PLCH2: variants seen among roughly 807,000 people sequenced by gnomAD.
The protein encoded by PLCH2 is 1-phosphatidylinositol 4,5-bisphosphate phosphodiesterase eta-2.
In PLCH2, 98 loss-of-function variants were observed where a neutral mutation model predicts 134.7. The observed-to-expected ratio is 0.73, with a 90% CI of 0.62 to 0.86. The LOEUF is 0.86. Ranked by LOEUF, PLCH2 falls within the 40% of genes least tolerant of loss-of-function variation. PLCH2 has a pLI of 0.00. For synonymous variants in PLCH2, 974 were observed against 827.5 expected (o/e 1.18, Z -3.04); for missense variants, 1,994 against 1,986.6 (o/e 1.00, Z -0.07).
At chr1:2,460,983 T>C (rs994095467) in intron 2 of PLCH2, among the ~76,000 whole-genome samples, 4 of 151,854 alleles carry the variant, frequency 2.6e-5, no homozygotes, top group Non-Finnish European at 5.9e-5. Flanking sequence ...GGCTCAGGAG[T>C]GTGCCCAGTG....
chr1:2,477,911 G>A (rs970485862), intron 1 of PLCH2, among the ~76,000 whole-genome samples: 5 of 152,210 alleles, frequency 3.3e-5, no homozygotes, highest in Admixed American at 6.5e-5. Flanking sequence ...GCTCCCAGGA[G>A]CCACCTGTGG....
At chr1:2,489,495 A>C in intron 9 of PLCH2, 117 bp downstream of exon 9, 2 of 1,102,698 alleles carry the variant, frequency 1.8e-6, no homozygotes, top group Middle Eastern at 5.4e-4. Flanking sequence ...TAGGGGGCTG[A>C]GGGCTGGCCA....
At chr1:2,420,176 C>T in the PLCH2 span, among the ~76,000 whole-genome samples, 1 of 152,096 alleles carries the variant, frequency 6.6e-6, no homozygotes, top group Non-Finnish European at 1.5e-5. Context: ...GCCCCTACCT[C>T]ACATCCCTCT....
chr1:2,504,827 G>A lies in PLCH2; in HGVS notation c.3865G>A (p.Val1289Met). The A allele has an allele frequency of 6.2e-7, 1 of 1,609,440 alleles. No individual in the cohort carries two copies. Among genetic ancestry groups the A allele is most frequent in the Non-Finnish European group, 8.5e-7 (1 of 1,178,566 alleles). ...GGGCCTCCCGGGAGGGACACGGCGG[G>A]TGTCGGGGCCAGGGGTGAGACGGGA... ...SLGLPGGTRR[V>M]SGPGVRRDTL... The change falls in exon 22 of 22, where the codon GTG (valine) becomes ATG (methionine). Residue 1289 changes from valine (V) to methionine (M), a missense_variant. Coordinates refer to ENST00000378486, the MANE Select transcript of PLCH2 (RefSeq NM_014638.4).
At chr1:2,460,967 C>T (rs545638409) in intron 2 of PLCH2, among the ~76,000 whole-genome samples, 23 of 152,276 alleles carry the variant, frequency 1.5e-4, no homozygotes, top group Non-Finnish European at 2.6e-4. Flanking sequence ...AGCCTGGTGG[C>T]GTGGGGGCTC....
At position 2,479,939 on chromosome 1, in the gene PLCH2, C is replaced by G; in HGVS notation, c.477C>G (p.Asp159Glu). ...GCTACCTCATGGCCGGCATCAGCGA[C>G]GAGGACAGCCTGGCTCGCCGCCAGC... ...GLRYLMAGIS[D>E]EDSLARRQRT... The change falls in exon 3 of 22, where the codon GAC becomes GAG. Residue 159 changes from aspartate to glutamate, a missense_variant. By Grantham distance (45) the Asp-to-Glu change is conservative (BLOSUM62 2). Around this residue, in one of 2 missense-constraint regions of PLCH2, gnomAD observed 1,094 missense variants for 1,234.3 expected, o/e 0.89. Transcript: ENST00000378486. 1 of 1,609,074 alleles carries G rather than the reference C, an allele frequency of 6.2e-7. No individual in the cohort carries two copies.
chr1:2,476,567 C>G lies in PLCH2; in HGVS notation c.-22C>G. ...GTGGGCCTCTGTGGCCTCCGTGAAG[C>G]AGGCCCGGCTGTCGTCAGGCCATGT... On this transcript the variant is annotated 5_prime_UTR_variant, in exon 1 of 22. Coordinates refer to ENST00000378486, the MANE Select transcript of PLCH2 (RefSeq NM_014638.4). 1.3e-6 allele frequency: 2 copies of G among 1,483,932 alleles called. No individual in the cohort carries two copies. Among genetic ancestry groups the G allele is most frequent in the Non-Finnish European group, 1.8e-6 (2 of 1,123,250 alleles). The allele number at this position is 1,483,932 out of a possible 1,614,324, so 91.9% of individuals were successfully genotyped here.
At chr1:2,497,106 C>T (rs941790726) in intron 15 of PLCH2, 96 bp downstream of exon 15, 26 of 1,241,776 alleles carry the variant, frequency 2.1e-5, no homozygotes, top group Non-Finnish European at 2.8e-5. Flanking sequence ...GCTGGGGCCT[C>T]GGTTCTGTCC....
chr1:2,471,546 C>A (rs1183985434), upstream of PLCH2, among the ~76,000 whole-genome samples: 6 of 152,228 alleles, frequency 3.9e-5, no homozygotes, highest in African/African-American at 1.4e-4. Context: ...GGCCGGATGA[C>A]AGAAGAAAGG....
At chr1:2,434,151 C>T (rs1639205943) in intron 2 of PLCH2, among the ~76,000 whole-genome samples, 1 of 152,268 alleles carries the variant, frequency 6.6e-6, no homozygotes, top group Non-Finnish European at 1.5e-5. Flanking sequence ...CTTTGAGGCT[C>T]CCACCTTCAG....
rs1174840197 is a variant in PLCH2 at position 2,502,279 on chromosome 1, C to T, written c.2829C>T (p.Gly943=). The change falls in exon 21 of 22, where the codon GGC becomes GGT. Residue 943 remains glycine, a synonymous_variant. Transcript: ENST00000378486. ...AGAGCCAGAAGCCGGGCCGCAGGGG[C>T]TTCCCGGAGCTGGTCCTGGGTACAC... ...PTKSQKPGRR[G]FPELVLGTRD... is the part of the protein sequence containing the mutation. The T allele has an allele frequency of 1.3e-6, 2 of 1,538,040 alleles. No individual in the cohort carries two copies. The highest frequency in any genetic ancestry group is 1.2e-5 in the South Asian group (1 of 83,104).
Position 2,499,677 on chromosome 1 carries a change from C to T in PLCH2, c.2618C>T (p.Ala873Val), listed in dbSNP as rs758685368. The T allele has an allele frequency of 4.4e-6, 7 of 1,600,524 alleles. No homozygotes were observed. Among genetic ancestry groups the T allele is most frequent in the African/African-American group, 1.3e-5 (1 of 74,610 alleles). The change falls in exon 20 of 22, where the codon GCC (alanine) becomes GTC (valine). Residue 873 changes from alanine (A) to valine (V), a missense_variant. Ala to Val is a moderately conservative substitution (Grantham distance 64). Transcript: ENST00000378486. ...GTGTACCTAGAAGGGATGGAAGAGG[C>T]CTCCATCTTCGTGCATGTGGCTGTC... ...RHVYLEGMEE[A>V]SIFVHVAVSD...
the PLCH2 span, among the ~76,000 whole-genome samples, chr1:2,417,443 G>A: frequency 2.0e-5 from 3 of 152,174 alleles, no homozygotes; most frequent in Admixed American, 6.5e-5. Context: ...CTGTGAGGCC[G>A]GAGGGAGGGG....
intron 1 of PLCH2, among the ~76,000 whole-genome samples, chr1:2,427,890 T>C (rs1638877729): frequency 6.6e-6 from 1 of 151,688 alleles, no homozygotes; most frequent in African/African-American, 2.4e-5. Flanking sequence ...TCCCTGTGGG[T>C]GAGAGCAGTG....
rs182643072 is a variant in PLCH2 at position 2,489,228 on chromosome 1, C to T, written c.1257C>T (p.Ile419=). ...ACAGGTACCCAGTGATCCTGTCCAT[C>T]GAAAACCACTGCAGTGTCATCCAGC... ...IKNEYPVILS[I]ENHCSVIQQK... Residue 419 remains isoleucine (I), a synonymous_variant, in exon 9 of 22, where the codon ATC becomes ATT. Coordinates refer to ENST00000378486, the MANE Select transcript of PLCH2 (RefSeq NM_014638.4). 1,505 of 1,613,820 alleles carry T rather than the reference C, an allele frequency of 9.3e-4. 3 individuals carry two copies. Among genetic ancestry groups the T allele is most frequent in the African/African-American group, 3.8e-3 (288 of 75,040 alleles).
upstream of PLCH2, among the ~76,000 whole-genome samples, chr1:2,475,273 G>GCCACCTCCCACGCCTGACCTTGGCCCC (rs1641553018): frequency 6.6e-6 from 1 of 152,236 alleles, no homozygotes; most frequent in Non-Finnish European, 1.5e-5. Flanking sequence ...CCCCTGGTAT[G>GCCACCTCCCACGCCTGACCTTGGCCCC]GGGGGAGGCG....
In PLCH2 at chr1:2,498,411, G is replaced by A; in HGVS notation, c.2225-112G>A. On this transcript the variant is annotated intron_variant, in intron 16 of 21. Coordinates refer to ENST00000378486, the MANE Select transcript of PLCH2 (RefSeq NM_014638.4). The surrounding 1 kb of genome is among the most constrained non-coding windows in gnomAD (Gnocchi z 5.4). ...GCCTCCCTCCCTCCCCCTGGCACCG[G>A]CTCCAGTCTCCTATGTGGGGGCTGG... 4.0e-6 allele frequency: 5 copies of A among 1,253,458 alleles called. No homozygotes were observed. In the Admixed American group the frequency reaches 1.3e-4, roughly 32 times the overall value. The allele number at this position is 1,253,458 out of a possible 1,614,324, so 77.6% of individuals were successfully genotyped here. A position where few individuals can be genotyped will look rare whatever the true frequency, so the allele number is the denominator to read the frequency against.
Position 2,505,290 on chromosome 1 carries a change from C to A in PLCH2, c.*77C>A. ...CGTGTTGTTTGCTCAGGAAACAGGG[C>A]AGCCAGGCCCCCAAAACTGTGTCCC... On this transcript the variant is annotated 3_prime_UTR_variant, in exon 22 of 22. Coordinates refer to ENST00000378486, the MANE Select transcript of PLCH2 (RefSeq NM_014638.4). The A allele has an allele frequency of 1.7e-6, 2 of 1,160,550 alleles. No individual in the cohort carries two copies. Among genetic ancestry groups the A allele is most frequent in the Non-Finnish European group, 2.4e-6 (2 of 832,732 alleles). The allele number at this position is 1,160,550 out of a possible 1,614,324, so 71.9% of individuals were successfully genotyped here. A position where few individuals can be genotyped will look rare whatever the true frequency, so the allele number is the denominator to read the frequency against.
chr1:2,451,247 G>A (rs770352765), intron 2 of PLCH2, among the ~76,000 whole-genome samples: 4 of 152,202 alleles, frequency 2.6e-5, no homozygotes, highest in South Asian at 2.1e-4. Context: ...CAAGGCAGGC[G>A]GTGGTGGGCT....
Sources: gnomAD v4.1 joint callset for allele counts (sites outside exome capture counted in the v4.1 genomes callset) on GRCh38, gnomAD v4.1.1 for gene constraint, gnomAD v4.1.1 regional missense constraint, Gnocchi (gnomAD v3.1) non-coding constraint, MANE v1.5 for transcripts, NCBI Gene and HGNC (gene_info 2026-07-23, HGNC 2026-07-21) for gene names.